GPR179: variants seen among roughly 807,000 people sequenced by gnomAD.
GPR179 encodes G protein-coupled receptor 179, also known as probable G protein-coupled receptor 179.
In GPR179, 52 loss-of-function variants were observed where a neutral mutation model predicts 70.8. The ratio of observed to expected loss-of-function variants is 0.73; its 90% CI spans 0.59 to 0.93. The LOEUF (loss-of-function observed/expected upper bound fraction) is 0.93, where lower values mean the gene tolerates loss of function less well. GPR179 is among the 40% of genes least tolerant of loss of function. GPR179 has a pLI of 0.00. For missense variants in GPR179, 2,734 were observed against 2,966.8 expected, an observed-to-expected ratio of 0.92 and a Z score of 1.82; for synonymous variants, 1,123 against 1,169.0, an observed-to-expected ratio of 0.96 and a Z score of 0.80.
rs281875235 is a variant in GPR179, at chr17:38,335,633, C to T, written c.1364G>A (p.Gly455Asp). The change falls in exon 6 of 11, where the codon GGT becomes GAT. Residue 455 changes from glycine to aspartate, a missense_variant. Physicochemically the swap from Gly to Asp is moderately conservative, Grantham distance 94. Coordinates refer to ENST00000616987, the MANE Select transcript of GPR179 (RefSeq NM_001004334.4). ...GATGGTGCCGTAGACGATGGCAAAA[C>T]CCAGCAGCCGCACCCAGCGAAGAGC... The part of the protein sequence containing the change: ...CIALRWVRLL[G>D]FAIVYGTIIL... 1.2e-6 allele frequency: 2 copies of T among 1,614,118 alleles called. No individual in the cohort carries two copies. The highest frequency in any genetic ancestry group is 1.7e-5 in the Admixed American group (1 of 60,026).
At position 38,326,353 on chromosome 17, in the gene GPR179, G is replaced by T; in HGVS notation, c.*112C>A. On this transcript the variant is annotated 3_prime_UTR_variant, in exon 11 of 11. Coordinates refer to ENST00000616987, the MANE Select transcript of GPR179 (RefSeq NM_001004334.4). ...TGGGTTGACTTCTGGTCTTCTCAAG[G>T]AGGGGAAGTGGCCAAGCTGTCTTTG... is the stretch of plus-strand genomic sequence containing the variant. 1 of 761,086 alleles carries T rather than the reference G, an allele frequency of 1.3e-6. No individual in the cohort carries two copies. 47.1% of individuals were successfully genotyped at this position (761,086 alleles called of 1,614,324 possible).
chr17:38,329,211 C>A lies in GPR179; in HGVS notation c.4358G>T (p.Gly1453Val). Residue 1453 changes from glycine to valine, a missense_variant, in exon 11 of 11, where the codon GGG (glycine) becomes GTG (valine). Physicochemically the swap from Gly to Val is moderately radical, Grantham distance 109. Transcript: ENST00000616987. ...TTCAGCAATGCCACTGCCCAAACTC[C>A]CTGAACACTCTGAGCTTCCTGGGGC... Reference protein sequence around the residue: ...IQAPGSSECSGSLGSGIAEVC... With the variant: ...IQAPGSSECSVSLGSGIAEVC... 1 of 1,614,000 alleles carries A rather than the reference C, an allele frequency of 6.2e-7. No individual in the cohort carries two copies. The highest frequency in any genetic ancestry group is 8.5e-7 in the Non-Finnish European group (1 of 1,179,956).
Position 38,326,436 on chromosome 17 carries a change from T to G in GPR179, c.*29A>C, listed in dbSNP as rs1436296563. On this transcript the variant is annotated 3_prime_UTR_variant, in exon 11 of 11. Transcript: ENST00000616987. ...AGGGCCTTGGCTCCTGAAAGCTAGC[T>G]CTGTGTTTGACCTCACCTAATAAGG... 3 of 1,520,702 alleles carry G rather than the reference T, an allele frequency of 2.0e-6. No individual in the cohort carries two copies. Among genetic ancestry groups the G allele is most frequent in the Admixed American group, 3.9e-5 (2 of 51,870 alleles). The allele number at this position is 1,520,702 out of a possible 1,614,324, so 94.2% of individuals were successfully genotyped here.
In GPR179 at chr17:38,343,708, C is replaced by G; in HGVS notation, c.82G>C (p.Gly28Arg). Reference protein sequence around the residue: ...CCFVCAWALGGPRPIRSLPPL... With the variant: ...CCFVCAWALGRPRPIRSLPPL... ...GGCAGAGAGCGGATGGGCCGTGGAC[C>G]CCCCAGAGCCCAGGCACAGACAAAA... The change falls in exon 1 of 11, where the codon GGT becomes CGT. Residue 28 changes from glycine to arginine, a missense_variant. Transcript: ENST00000616987. This position sits in a 1 kb window ranked among gnomAD's most constrained non-coding sequence, Gnocchi z 4.2. 1 of 1,590,182 alleles carries G rather than the reference C, an allele frequency of 6.3e-7. No individual in the cohort carries two copies.
chr17:38,341,679 A>C (rs925206196), intron 1 of GPR179, among the ~76,000 whole-genome samples: 3 of 152,166 alleles, frequency 2.0e-5, no homozygotes, highest in African/African-American at 7.2e-5. Flanking sequence ...CCTGTGGTTG[A>C]GGGAGGAGGT....
At chr17:38,337,552 T>C in intron 3 of GPR179, 81 bp downstream of exon 3, 1 of 1,238,444 alleles carries the variant, frequency 8.1e-7, no homozygotes, top group Non-Finnish European at 1.2e-6. Context: ...CTCACCCCAA[T>C]CTGGCTTTCT....
At position 38,333,310 on chromosome 17, in the gene GPR179, G is replaced by A; in HGVS notation, c.1978C>T (p.Leu660Phe). The A allele has an allele frequency of 1.2e-6, 2 of 1,614,104 alleles. No homozygotes were observed. The highest frequency in any genetic ancestry group is 1.7e-6 in the Non-Finnish European group (2 of 1,179,988). The part of the protein sequence containing the change: ...ELDLQHSGSY[L>F]GSSIASAWSE... ...CAGGCTGAGGCGATGCTGCTGCCAA[G>A]GTAGGAGCCTGAGTGCTGCAGGTCC... The change falls in exon 10 of 11, where the codon CTT (leucine) becomes TTT (phenylalanine). Residue 660 changes from leucine to phenylalanine, a missense_variant. By Grantham distance (22) the Leu-to-Phe change is conservative. Transcript: ENST00000616987.
At position 38,335,692 on chromosome 17, in the gene GPR179, G is replaced by T; in HGVS notation, c.1305C>A (p.Ile435=). Residue 435 remains isoleucine (I), a synonymous_variant, in exon 6 of 11, where the codon ATC becomes ATA. Coordinates refer to ENST00000616987, the MANE Select transcript of GPR179 (RefSeq NM_001004334.4). ...GGAATACACTGGGCTTGAAGTATAG[G>T]ATGAAGACCTGGTGGGAAGGGGCAA... ...GFLLLYFPVF[I]LYFKPSVFRC... 2.5e-6 allele frequency: 4 copies of T among 1,612,038 alleles called. No individual in the cohort carries two copies. The highest frequency in any genetic ancestry group is 3.4e-6 in the Non-Finnish European group (4 of 1,178,122).
At position 38,331,393 on chromosome 17, in the gene GPR179, A is replaced by G. The variant is rs2037358894; in HGVS notation, c.2176T>C (p.Phe726Leu). The G allele has an allele frequency of 9.9e-6, 16 of 1,614,056 alleles. No homozygotes were observed. Among genetic ancestry groups the G allele is most frequent in the Non-Finnish European group, 1.4e-5 (16 of 1,179,972 alleles). The change falls in exon 11 of 11, where the codon TTC becomes CTC. Residue 726 changes from phenylalanine (F) to leucine (L), a missense_variant. By Grantham distance (22) the Phe-to-Leu change is conservative. Coordinates refer to ENST00000616987, the MANE Select transcript of GPR179 (RefSeq NM_001004334.4). Reference sequence around the variant, plus strand: ...TGCTGCCTGGCCAGGGCCTCGGGGAATTCCGCCAGGTACCTCATGAAGGAG... The same window carrying G: ...TGCTGCCTGGCCAGGGCCTCGGGGAGTTCCGCCAGGTACCTCATGAAGGAG... The part of the protein sequence containing the change: ...GRSFMRYLAE[F>L]PEALARQHSR...
At chr17:38,333,449 A>T in intron 9 of GPR179, 52 bp from the exon 10 acceptor site, 3 of 1,558,912 alleles carry the variant, frequency 1.9e-6, no homozygotes, top group East Asian at 4.6e-5. Context: ...CTCCTTGTCC[A>T]CTCCTGCACT....
In GPR179 at chr17:38,327,023, G is replaced by C; in HGVS notation, c.6546C>G (p.Val2182=). 6.2e-7 allele frequency: 1 copy of C among 1,614,220 alleles called. No individual in the cohort carries two copies. The highest frequency in any genetic ancestry group is 8.5e-7 in the Non-Finnish European group (1 of 1,180,042). ...AAAKPREQEA[V]CPGEGTGSGG... ...CTGAGCCTGTGCCTTCCCCAGGGCAGACTGCCTCCTGCTCTCTGGGCTTTG... is the reference window on the plus strand; with the variant it reads ...CTGAGCCTGTGCCTTCCCCAGGGCACACTGCCTCCTGCTCTCTGGGCTTTG... Residue 2182 remains valine (V), a synonymous_variant, in exon 11 of 11, where the codon GTC becomes GTG. Coordinates refer to ENST00000616987, the MANE Select transcript of GPR179 (RefSeq NM_001004334.4).
Position 38,326,442 on chromosome 17 carries a change from T to A in GPR179, c.*23A>T. On this transcript the variant is annotated 3_prime_UTR_variant, in exon 11 of 11. Coordinates refer to ENST00000616987, the MANE Select transcript of GPR179 (RefSeq NM_001004334.4). Reference sequence around the variant, plus strand: ...TTGGCTCCTGAAAGCTAGCTCTGTGTTTGACCTCACCTAATAAGGCTGTTA... The same window carrying A: ...TTGGCTCCTGAAAGCTAGCTCTGTGATTGACCTCACCTAATAAGGCTGTTA... 6.4e-7 allele frequency: 1 copy of A among 1,551,050 alleles called. No individual in the cohort carries two copies. The highest frequency in any genetic ancestry group is 8.8e-7 in the Non-Finnish European group (1 of 1,138,218).
At position 38,328,542 on chromosome 17, in the gene GPR179, TGG is replaced by T. The variant is rs2037314733; in HGVS notation, c.5025_5026del (p.Gln1676AspfsTer46). 1 of 1,613,984 alleles carries T rather than the reference TGG, an allele frequency of 6.2e-7. No homozygotes were observed. The highest frequency in any genetic ancestry group is 1.3e-5 in the African/African-American group (1 of 74,882). On this transcript the variant is annotated frameshift_variant, in exon 11 of 11. Transcript: ENST00000616987. LOFTEE classifies it low-confidence loss of function (END_TRUNC). ...TTTGCTTCCCACACTGCCTGACATCTGGAGAAGGGTTTGGGGTCTCTCTGTGT... is the reference window on the plus strand; with the variant it reads ...TTTGCTTCCCACACTGCCTGACATCTAGAAGGGTTTGGGGTCTCTCTGTGT...
In GPR179 at chr17:38,335,202, C is replaced by T. The variant is rs1274288642; in HGVS notation, c.1476G>A (p.Arg492=). ...SALLSSGRLL[R]HLGLLLLPVL... Reference sequence around the variant, plus strand: ...CAGGTAGCAGGAGCAGCCCCAGGTGCCGCAGCAGCCGCCCGCTGCTCAGAA... The same window carrying T: ...CAGGTAGCAGGAGCAGCCCCAGGTGTCGCAGCAGCCGCCCGCTGCTCAGAA... The change falls in exon 7 of 11, where the codon CGG becomes CGA. Residue 492 remains arginine, a synonymous_variant. Coordinates refer to ENST00000616987, the MANE Select transcript of GPR179 (RefSeq NM_001004334.4). The T allele has an allele frequency of 1.3e-6, 2 of 1,556,734 alleles. No homozygotes were observed. The highest frequency in any genetic ancestry group is 1.4e-5 in the African/African-American group (1 of 73,508).
At chr17:38,333,765 C>T (rs997348337) in intron 9 of GPR179, among the ~76,000 whole-genome samples, 168 bp downstream of exon 9, 2 of 152,178 alleles carry the variant, frequency 1.3e-5, no homozygotes, top group Non-Finnish European at 2.9e-5. Context: ...GAGAGTGTCC[C>T]CACTCAAGTC....
chr17:38,331,767 C>T (rs1298177626), intron 10 of GPR179, among the ~76,000 whole-genome samples: 2 of 152,200 alleles, frequency 1.3e-5, no homozygotes, highest in Admixed American at 6.5e-5. Context: ...GTACCCCCTT[C>T]TCTGGGGCAT....
In GPR179 at chr17:38,328,476, G is replaced by A; in HGVS notation, c.5093C>T (p.Thr1698Ile). ...ICPLDVEENL[T>I]AGKAEICPWE... is the part of the protein sequence containing the mutation. ...GGGACAGATTTCTGCCTTCCCAGCA[G>A]TCAAGTTTTCCTCCACATCCAAAGG... Residue 1698 changes from threonine to isoleucine, a missense_variant, in exon 11 of 11, where the codon ACT becomes ATT. Transcript: ENST00000616987. 1 of 1,614,070 alleles carries A rather than the reference G, an allele frequency of 6.2e-7. No homozygotes were observed. Among genetic ancestry groups the A allele is most frequent in the Non-Finnish European group, 8.5e-7 (1 of 1,180,008 alleles).
In GPR179 at chr17:38,343,791, C is replaced by A; in HGVS notation, c.-2G>T. ...CATGACCGCTCCCCTGGTGCCCATC[C>A]TTGGGGCAGCTCTCAGGACCCTGGG... is the stretch of plus-strand genomic sequence containing the variant. On this transcript the variant is annotated 5_prime_UTR_variant, in exon 1 of 11. In the 5' UTR this introduces an upstream ATG that the reference lacks. Coordinates refer to ENST00000616987, the MANE Select transcript of GPR179 (RefSeq NM_001004334.4). The surrounding 1 kb of genome is among the most constrained non-coding windows in gnomAD (Gnocchi z 4.2). The A allele has an allele frequency of 6.7e-7, 1 of 1,496,590 alleles. No individual in the cohort carries two copies. Among genetic ancestry groups the A allele is most frequent in the East Asian group, 2.3e-5 (1 of 42,964 alleles). The allele number at this position is 1,496,590 out of a possible 1,614,324, so 92.7% of individuals were successfully genotyped here.
intron 1 of GPR179, among the ~76,000 whole-genome samples, chr17:38,342,298 G>A (rs1395123468): frequency 6.7e-6 from 1 of 150,350 alleles, no homozygotes; most frequent in Admixed American, 6.6e-5. Flanking sequence ...TCTCAGGCCT[G>A]GGGGCCAAGA....
Sources: gnomAD v4.1 joint callset for allele counts (sites outside exome capture counted in the v4.1 genomes callset) on GRCh38, gnomAD v4.1.1 for gene constraint, Gnocchi (gnomAD v3.1) non-coding constraint, MANE v1.5 for transcripts, NCBI Gene and HGNC (gene_info 2026-07-23, HGNC 2026-07-21) for gene names.